Variants in TRDN observed in about 807,000 individuals in gnomAD.
TRDN encodes the protein triadin in skeletal muscle.
A neutral mutation model predicts 149.7 loss-of-function variants in TRDN; 161 were observed. The ratio of observed to expected loss-of-function variants is 1.08; its 90% CI spans 0.95 to 1.23. The LOEUF is 1.23. Ranked by LOEUF, TRDN falls within the 50% of genes most tolerant of loss-of-function variation. The pLI, the probability that TRDN is intolerant of heterozygous loss-of-function variation, is 0.00. For missense variants in TRDN, 896 were observed against 823.5 expected (o/e 1.09, Z -1.08); for synonymous variants, 294 against 250.5 (o/e 1.17, Z -1.64).
At chr6:123,551,342 T>TATATATACACAC (rs1554256527) in intron 2 of TRDN, among the ~76,000 whole-genome samples, 1 of 141,102 alleles carries the variant, frequency 7.1e-6, no homozygotes, top group African/African-American at 2.7e-5. Flanking sequence ...AAAACCTAAA[T>TATATATACACAC]ACACACACAC....
intron 4 of TRDN, among the ~76,000 whole-genome samples, chr6:123,539,329 T>C (rs1780707151): frequency 6.6e-6 from 1 of 152,220 alleles, no homozygotes; most frequent in South Asian, 2.1e-4. Flanking sequence ...AGGTCCCATA[T>C]GATGCTAACA....
At chr6:123,578,301 A>T (rs765913920) in intron 1 of TRDN, among the ~76,000 whole-genome samples, 35 of 151,936 alleles carry the variant, frequency 2.3e-4, no homozygotes, top group Non-Finnish European at 3.8e-4. Context: ...TCTTGAGTTG[A>T]TTTTTGTATA....
intron 1 of TRDN, among the ~76,000 whole-genome samples, chr6:123,625,609 T>G (rs970651091): frequency 1.3e-5 from 2 of 152,152 alleles, no homozygotes; most frequent in Admixed American, 1.3e-4. Flanking sequence ...ACTGGACTGT[T>G]TCTAACACAA....
intron 12 of TRDN, among the ~76,000 whole-genome samples, chr6:123,414,524 G>A (rs1396689624): frequency 6.6e-6 from 1 of 152,020 alleles, no homozygotes; most frequent in Admixed American, 6.6e-5. Flanking sequence ...TTTTCTTTCA[G>A]TCAGGAAAAA....
chr6:123,371,141 G>T lies in TRDN; in HGVS notation c.1273+4464C>A, dbSNP rs79844581. Among the ~76,000 whole-genome samples, 462 of 151,942 alleles carry T rather than the reference G, an allele frequency of 3.0e-3. 12 individuals are homozygous for T. The East Asian group carries it at 0.075, about 25-fold the overall frequency. ...TTTTTCAAATCCTCCCATATTTCAA[G>T]AAACTGTATATTTTCCTAGGTTAAA... is the stretch of plus-strand genomic sequence containing the variant. On this transcript the variant is annotated intron_variant, in intron 19 of 40. Transcript: ENST00000334268.
intron 2 of TRDN, among the ~76,000 whole-genome samples, chr6:123,565,415 G>A (rs1340331521): frequency 6.6e-6 from 1 of 152,134 alleles, no homozygotes; most frequent in Non-Finnish European, 1.5e-5. Flanking sequence ...TGTGTCTGAT[G>A]TCCTGAGGTA....
intron 13 of TRDN, 108 bp from the exon 14 acceptor site, chr6:123,388,659 T>A (rs1781995398): frequency 1.7e-6 from 2 of 1,173,520 alleles, no homozygotes; most frequent in Non-Finnish European, 2.4e-6. Flanking sequence ...TGGTCACCTA[T>A]ACACTAATCA....
At chr6:123,589,867 C>G (rs573374625) in intron 1 of TRDN, among the ~76,000 whole-genome samples, 2 of 152,100 alleles carry the variant, frequency 1.3e-5, no homozygotes, top group African/African-American at 4.8e-5. Flanking sequence ...TATGGAAGTG[C>G]AAGAACTAAG....
chr6:123,424,234 G>A (rs1774025355), intron 12 of TRDN, among the ~76,000 whole-genome samples: 1 of 152,064 alleles, frequency 6.6e-6, no homozygotes, highest in South Asian at 2.1e-4. Flanking sequence ...ATAAAAAACT[G>A]TTTTCTAACC....
At chr6:123,601,425 T>C (rs919008003) in intron 1 of TRDN, among the ~76,000 whole-genome samples, 1 of 152,144 alleles carries the variant, frequency 6.6e-6, no homozygotes, top group Non-Finnish European at 1.5e-5. Context: ...AGGACAAAGT[T>C]GCAGCCCTTT....
chr6:123,331,943 T>C lies in TRDN; in HGVS notation c.1421-14A>G, dbSNP rs539052814. The stretch of plus-strand genomic sequence containing the variant: ...CTTTAATAGGTTCTGAAAAGAAACA[T>C]CGGACATTTATTTGAAGCCAAGACA... On this transcript the variant is annotated splice_polypyrimidine_tract_variant and intron_variant, in intron 22 of 40. Transcript: ENST00000334268. 5.2e-6 allele frequency: 8 copies of C among 1,530,540 alleles called. No homozygotes were observed. The South Asian group carries it at 7.7e-5, about 15-fold the overall frequency. The allele number at this position is 1,530,540 out of a possible 1,614,324, so 94.8% of individuals were successfully genotyped here. A position where few individuals can be genotyped will look rare whatever the true frequency, so the allele number is the denominator to read the frequency against.
chr6:123,451,495 C>T (rs1251253925), intron 10 of TRDN, among the ~76,000 whole-genome samples: 2 of 151,960 alleles, frequency 1.3e-5, no homozygotes, highest in African/African-American at 2.4e-5. Context: ...AAACTAAAAA[C>T]CTAGAAGAGA....
At chr6:123,526,604 GTGTT>G (rs1256842186) in intron 5 of TRDN, among the ~76,000 whole-genome samples, 3 of 152,040 alleles carry the variant, frequency 2.0e-5, no homozygotes, top group African/African-American at 7.2e-5. Context: ...TATATCTACT[GTGTT>G]AGATTGTTCT....
chr6:123,286,747 G>C (rs533584300), intron 24 of TRDN, among the ~76,000 whole-genome samples: 53 of 152,156 alleles, frequency 3.5e-4, no homozygotes, highest in Non-Finnish European at 7.2e-4. Flanking sequence ...TTCAGCATGT[G>C]GGGGAGTGTT....
intron 4 of TRDN, among the ~76,000 whole-genome samples, chr6:123,534,044 T>C (rs566386114): frequency 2.2e-4 from 34 of 152,148 alleles, no homozygotes; most frequent in African/African-American, 7.7e-4. Flanking sequence ...TAGAACAAAC[T>C]AAGACAACCT....
At chr6:123,597,191 C>CT (rs1451103387) in intron 1 of TRDN, among the ~76,000 whole-genome samples, 146 of 152,134 alleles carry the variant, frequency 9.6e-4, no homozygotes, top group African/African-American at 3.3e-3. Context: ...CCCTCATGAT[C>CT]ACTTTAAGGG....
intron 31 of TRDN, among the ~76,000 whole-genome samples, chr6:123,268,446 G>T (rs893297032): frequency 6.6e-6 from 1 of 151,982 alleles, no homozygotes; most frequent in Non-Finnish European, 1.5e-5. Context: ...ATCAAAAGTG[G>T]AATTTAAAGT....
rs568834284 is a variant in TRDN, at chr6:123,534,142, C to G, written c.425-3577G>C. Among the ~76,000 whole-genome samples the G allele has an allele frequency of 2.6e-5, 4 of 152,170 alleles. No individual in the cohort carries two copies. In the East Asian group the frequency reaches 7.8e-4, roughly 29 times the overall value. On this transcript the variant is annotated intron_variant, in intron 4 of 40. Transcript: ENST00000334268. The stretch of plus-strand genomic sequence containing the variant: ...TACACACACAGTAAAGTCTCTAGAG[C>G]TCACAATAAAGTATACAAACTTACA...
intron 30 of TRDN, 100 bp from the exon 31 acceptor site, chr6:123,269,966 C>T (rs987713369): frequency 5.2e-6 from 6 of 1,158,118 alleles, no homozygotes; most frequent in East Asian, 2.7e-5. Flanking sequence ...AGTTTTAGGT[C>T]ACCTCCTTAG....
Sources: gnomAD v4.1 joint callset for allele counts (sites outside exome capture counted in the v4.1 genomes callset) on GRCh38, gnomAD v4.1.1 for gene constraint, MANE v1.5 for transcripts, NCBI Gene and HGNC (gene_info 2026-07-23, HGNC 2026-07-21) for gene names.